The following DMD variants were observed in gnomAD, a reference collection of about 807,000 sequenced individuals.
DMD encodes dystrophin, also known as mutant dystrophin.
In DMD, 63 loss-of-function variants were observed where a neutral mutation model predicts 330.1. The observed-to-expected ratio is 0.19, with a 90% CI of 0.16 to 0.24. The LOEUF (loss-of-function observed/expected upper bound fraction) is 0.24. Among genes scored for constraint, DMD ranks in the 10% least tolerant of loss-of-function variants. The pLI is 1.00. For synonymous variants in DMD, 1,223 were observed against 959.8 expected (o/e 1.27, Z -5.07); for missense variants, 3,344 against 2,684.1 (o/e 1.25, Z -5.43).
intron 1 of DMD, among the ~76,000 whole-genome samples, chrX:33,109,967 T>C (rs1274625450): frequency 9.0e-6 from 1 of 110,609 alleles, no homozygotes; most frequent in African/African-American, 3.3e-5. Flanking sequence ...AAAAAAAAGG[T>C]TTTTTTGTTT....
chrX:33,314,113 GCA>G (rs747885877), intron 1 of DMD, among the ~76,000 whole-genome samples: 52 of 103,949 alleles, frequency 5.0e-4, no homozygotes, highest in Admixed American at 9.4e-4. Flanking sequence ...CATTACACAC[GCA>G]CACACACACA....
intron 26 of DMD, among the ~76,000 whole-genome samples, chrX:32,452,395 GAAGGGAAAGGA>G (rs2098335601): frequency 9.5e-5 from 1 of 10,574 alleles, no homozygotes; most frequent in African/African-American, 3.0e-4. Context: ...AAGGGAAAGG[GAAGGGAAAGGA>G]AAGGGAAAGG....
At chrX:32,431,263 T>A (rs2098237164) in intron 29 of DMD, among the ~76,000 whole-genome samples, 1 of 111,560 alleles carries the variant, frequency 9.0e-6, no homozygotes, top group South Asian at 3.7e-4. Context: ...ACTGCCATTC[T>A]AACAGATGTG....
chrX:31,968,575 G>A lies in DMD; in HGVS notation c.6439-61C>T. 3 of 1,110,397 alleles carry A rather than the reference G, an allele frequency of 2.7e-6. No individual in the cohort carries two copies. The Admixed American group carries it at 6.8e-5, about 25-fold the overall frequency. The allele number at this position is 1,110,397 out of a possible 1,213,427, so 91.5% of individuals were successfully genotyped here. On this transcript the variant is annotated intron_variant, in intron 44 of 78. Transcript: ENST00000357033. ...CCCCATGTCTTTTTATTTGAGAAAAGATTAAACAGTGTGCTACCACATGCA... is the reference window on the plus strand; with the variant it reads ...CCCCATGTCTTTTTATTTGAGAAAAAATTAAACAGTGTGCTACCACATGCA...
chrX:31,206,031 C>A (rs1045717577), intron 66 of DMD, among the ~76,000 whole-genome samples: 1 of 112,313 alleles, frequency 8.9e-6, no homozygotes, highest in African/African-American at 3.2e-5. Context: ...GAACCCAATG[C>A]GTAATCAAAA....
At chrX:32,580,665 T>C (rs2053558897) in intron 13 of DMD, among the ~76,000 whole-genome samples, 1 of 111,982 alleles carries the variant, frequency 8.9e-6, no homozygotes, top group Admixed American at 9.5e-5. Flanking sequence ...TGGAGCATGA[T>C]AGAATTTTAA....
In DMD at chrX:32,912,474, C is replaced by T. The variant is rs760888033; in HGVS notation, c.94-62654G>A. On this transcript the variant is annotated intron_variant, in intron 2 of 78. Transcript: ENST00000357033. ...CAGCAATCCCACTCCTACATGTATA[C>T]AAGGAACCTTGTTTGTAATAGGAAA... Among the ~76,000 whole-genome samples the T allele has an allele frequency of 2.7e-5, 3 of 110,496 alleles. No homozygotes were observed. The East Asian group carries it at 8.7e-4, about 32-fold the overall frequency.
intron 44 of DMD, among the ~76,000 whole-genome samples, chrX:32,016,200 C>T (rs2095758549): frequency 9.0e-6 from 1 of 111,442 alleles, no homozygotes; most frequent in African/African-American, 3.3e-5. Flanking sequence ...GAGAACAATC[C>T]CAAGGATCTG....
At position 32,292,952 on chromosome X, in the gene DMD, T is replaced by A. The variant is rs982078505; in HGVS notation, c.6118-5251A>T. On this transcript the variant is annotated intron_variant, in intron 42 of 78. Coordinates refer to ENST00000357033, the MANE Select transcript of DMD (RefSeq NM_004006.3). ...TTATCAGCTCAGCAACAGGATAAGA[T>A]ACAATGGTTATGGGTGATGTGAGTG... Among the ~76,000 whole-genome samples the A allele has an allele frequency of 1.4e-4, 16 of 112,536 alleles. No homozygotes were observed. The South Asian group carries it at 1.8e-3, about 13-fold the overall frequency.
At chrX:31,155,185 G>C (rs16989402) in intron 74 of DMD, among the ~76,000 whole-genome samples, 2 of 112,027 alleles carry the variant, frequency 1.8e-5, no homozygotes, top group Admixed American at 9.4e-5. Context: ...TCTAGCAATC[G>C]TAACTATTAT....
chrX:32,580,188 C>A (rs2053507811), intron 13 of DMD, among the ~76,000 whole-genome samples: 1 of 111,070 alleles, frequency 9.0e-6, no homozygotes, highest in Non-Finnish European at 1.9e-5. Flanking sequence ...GAGGTTTCCT[C>A]TTCCTTATCG....
At chrX:32,953,831 T>C (rs917830411) in intron 2 of DMD, among the ~76,000 whole-genome samples, 6 of 112,219 alleles carry the variant, frequency 5.3e-5, no homozygotes, top group Non-Finnish European at 1.1e-4. Flanking sequence ...TTACAATGAA[T>C]GTAATAAAAC....
At chrX:31,141,679 A>G (rs930626425) in intron 76 of DMD, among the ~76,000 whole-genome samples, 15 of 111,611 alleles carry the variant, frequency 1.3e-4, no homozygotes, top group African/African-American at 4.9e-4. Context: ...ATGACTTTGT[A>G]TAGATTGGGA....
chrX:31,799,499 C>G (rs189423242), intron 50 of DMD, among the ~76,000 whole-genome samples: 1 of 111,273 alleles, frequency 9.0e-6, no homozygotes, highest in African/African-American at 3.3e-5. Context: ...ATTCAATTAC[C>G]TCTCACTGGG....
intron 2 of DMD, among the ~76,000 whole-genome samples, chrX:32,894,205 G>A (rs1336110909): frequency 1.8e-5 from 2 of 111,823 alleles, no homozygotes; most frequent in Non-Finnish European, 3.8e-5. Context: ...CCAAATAAAC[G>A]CGTTTGTTCA....
At chrX:33,013,990 G>A (rs1273404290) in intron 2 of DMD, among the ~76,000 whole-genome samples, 1 of 112,190 alleles carries the variant, frequency 8.9e-6, no homozygotes, top group African/African-American at 3.2e-5. Context: ...AAATGAACAA[G>A]TATCCAGAGG....
At chrX:31,196,170 CTGA>C (rs2042862854) in intron 67 of DMD, among the ~76,000 whole-genome samples, 1 of 111,615 alleles carries the variant, frequency 9.0e-6, no homozygotes, top group South Asian at 3.8e-4. Flanking sequence ...TGATAATACT[CTGA>C]TAAGGGTCTT....
At chrX:33,095,766 T>C (rs2095149412) in intron 1 of DMD, among the ~76,000 whole-genome samples, 1 of 110,795 alleles carries the variant, frequency 9.0e-6, no homozygotes, top group Admixed American at 9.7e-5. Context: ...CTGCATTGAA[T>C]GTTTTCTAAG....
At chrX:31,846,112 G>T (rs1224600265) in intron 48 of DMD, among the ~76,000 whole-genome samples, 1 of 108,689 alleles carries the variant, frequency 9.2e-6, no homozygotes, top group Non-Finnish European at 1.9e-5. Context: ...GAAGTGAGGA[G>T]AGAATTATAT....
Sources: gnomAD v4.1 joint callset for allele counts (sites outside exome capture counted in the v4.1 genomes callset) on GRCh38, gnomAD v4.1.1 for gene constraint, MANE v1.5 for transcripts, NCBI Gene and HGNC (gene_info 2026-07-23, HGNC 2026-07-21) for gene names.